The following STX3 variants were observed in gnomAD, a reference collection of about 807,000 sequenced individuals.
STX3 encodes syntaxin-3.
In STX3, 19 loss-of-function variants were observed where a neutral mutation model predicts 40.2. The observed-to-expected ratio is 0.47, with a 90% CI of 0.33 to 0.69. The LOEUF is 0.69. Among genes scored for constraint, STX3 ranks in the 30% least tolerant of loss-of-function variants. STX3 has a pLI of 0.02. For synonymous variants in STX3, 122 were observed against 132.2 expected (o/e 0.92, Z 0.53); for missense variants, 364 against 366.7 (o/e 0.99, Z 0.06).
rs576357205 is a variant in STX3, at chr11:59,788,213, G to A, written c.215-660G>A. 1.1e-4 allele frequency among the ~76,000 whole-genome samples: 16 copies of A among 152,290 alleles called. No homozygotes were observed. In the South Asian group the frequency reaches 3.3e-3, roughly 32 times the overall value. ...GCTTTTCCAGATCCCTCCAGGCTGTGCACACCTTGACCAGAACTCATACCT... is the reference window on the plus strand; with the variant it reads ...GCTTTTCCAGATCCCTCCAGGCTGTACACACCTTGACCAGAACTCATACCT... On this transcript the variant is annotated intron_variant, in intron 3 of 10. Transcript: ENST00000337979.
intron 2 of STX3, among the ~76,000 whole-genome samples, chr11:59,773,686 T>C (rs575154017): frequency 3.6e-4 from 55 of 152,264 alleles, no homozygotes; most frequent in Non-Finnish European, 6.5e-4. Flanking sequence ...TGTGTAGTTT[T>C]GAAAATTTTG....
At chr11:59,759,626 C>A (rs74418140) in intron 1 of STX3, among the ~76,000 whole-genome samples, 2,169 of 152,252 alleles carry the variant, frequency 0.014, 29 homozygotes, top group Non-Finnish European at 0.022. Context: ...CTGGAAATGA[C>A]GTGGATGTAA....
chr11:59,777,720 T>TGA (rs151230945), intron 2 of STX3, among the ~76,000 whole-genome samples: 1 of 152,112 alleles, frequency 6.6e-6, no homozygotes, highest in Non-Finnish European at 1.5e-5. Flanking sequence ...CTTAGGATTG[T>TGA]GAGAGAGAGA....
chr11:59,800,026 T>C, intron 10 of STX3: 3 of 985,472 alleles, frequency 3.0e-6, no homozygotes, highest in Non-Finnish European at 3.6e-6. Context: ...ATTCCAGGAC[T>C]TCAGAAGGTA....
rs184385691 is a variant in STX3 at position 59,786,441 on chromosome 11, G to A, written c.115-596G>A. Among the ~76,000 whole-genome samples, 553 of 147,738 alleles carry A rather than the reference G, an allele frequency of 3.7e-3. 4 individuals carry two copies. Among genetic ancestry groups the A allele is most frequent in the African/African-American group, 0.013 (526 of 39,674 alleles). ...TTTTTTTGCATTTTTTAGTAGAGAC[G>A]GGGTTTCACTGTGTTAGCCAGGATG... On this transcript the variant is annotated intron_variant, in intron 2 of 10. Transcript: ENST00000337979.
chr11:59,780,833 A>G (rs1283732252), intron 2 of STX3, among the ~76,000 whole-genome samples: 2 of 152,216 alleles, frequency 1.3e-5, no homozygotes, highest in Non-Finnish European at 2.9e-5. Context: ...AAATAACTAG[A>G]TAGGTTTTCA....
chr11:59,800,723 G>A (rs755974711), intron 10 of STX3, 132 bp from the exon 11 acceptor site: 66 of 1,491,632 alleles, frequency 4.4e-5, no homozygotes, highest in Non-Finnish European at 5.9e-5. Flanking sequence ...TCCAAGTTCT[G>A]TCCTGGGTTT....
chr11:59,784,473 T>TC (rs1237942110), intron 2 of STX3, among the ~76,000 whole-genome samples: 1 of 152,184 alleles, frequency 6.6e-6, no homozygotes, highest in Non-Finnish European at 1.5e-5. Context: ...GTCACACCCC[T>TC]AGAGTCTGTG....
intron 10 of STX3, among the ~76,000 whole-genome samples, chr11:59,799,035 G>A (rs1364817767): frequency 6.6e-6 from 1 of 152,138 alleles, no homozygotes; most frequent in African/African-American, 2.4e-5. Context: ...GACTATAGGT[G>A]TACACCAACA....
intron 5 of STX3, among the ~76,000 whole-genome samples, chr11:59,791,454 C>T (rs903163415): frequency 3.9e-5 from 6 of 152,062 alleles, no homozygotes; most frequent in African/African-American, 1.2e-4. Flanking sequence ...ATTTGAAAGC[C>T]GTTTACAAGT....
intron 1 of STX3, among the ~76,000 whole-genome samples, chr11:59,772,236 G>C (rs775626256): frequency 6.6e-6 from 1 of 152,250 alleles, no homozygotes; most frequent in African/African-American, 2.4e-5. Context: ...TTTCACAACA[G>C]TCAGTTCTCT....
chr11:59,769,508 G>A (rs1005565462), intron 1 of STX3, among the ~76,000 whole-genome samples: 7 of 152,148 alleles, frequency 4.6e-5, no homozygotes, highest in Non-Finnish European at 8.8e-5. Flanking sequence ...AGGCATCCCA[G>A]CCAGTAATTG....
upstream of STX3, chr11:59,754,895 C>T (rs1384759311): frequency 1.3e-5 from 2 of 152,286 alleles, no homozygotes; most frequent in African/African-American, 4.8e-5. Flanking sequence ...ATCTCCAGGT[C>T]TTTCCTCTGG....
At chr11:59,771,828 T>A (rs1467080604) in intron 1 of STX3, among the ~76,000 whole-genome samples, 1 of 152,110 alleles carries the variant, frequency 6.6e-6, no homozygotes, top group East Asian at 1.9e-4. Context: ...CATTGGATGA[T>A]GTTACGTGGC....
intron 2 of STX3, among the ~76,000 whole-genome samples, chr11:59,776,028 T>C (rs1863945879): frequency 6.6e-6 from 1 of 152,200 alleles, no homozygotes; most frequent in South Asian, 2.1e-4. Flanking sequence ...AAAATATTCA[T>C]GTCATAGATT....
chr11:59,781,415 C>T, intron 2 of STX3: 1 of 1,608,178 alleles, frequency 6.2e-7, no homozygotes. Flanking sequence ...TGCTTTCCTT[C>T]CCATCCCACT....
In STX3 at chr11:59,802,583, C is replaced by T. The variant is rs1361621836; in HGVS notation, c.*1759C>T. On this transcript the variant is annotated 3_prime_UTR_variant, in exon 11 of 11. Transcript: ENST00000337979. ...CTTTGCTCTCCTCTGACATTGAGGCCTGGGGCTTACAGTTTGGAATACAAC... is the reference window on the plus strand; with the variant it reads ...CTTTGCTCTCCTCTGACATTGAGGCTTGGGGCTTACAGTTTGGAATACAAC... 1.0e-6 allele frequency: 1 copy of T among 985,716 alleles called. No individual in the cohort carries two copies. The highest frequency in any genetic ancestry group is 4.7e-5 in the South Asian group (1 of 21,292). The allele number at this position is 985,716 out of a possible 1,614,324, so 61.1% of individuals were successfully genotyped here. A position where few individuals can be genotyped will look rare whatever the true frequency, so the allele number is the denominator to read the frequency against.
intron 4 of STX3, chr11:59,789,148 G>A (rs973894378): frequency 6.4e-6 from 3 of 465,594 alleles, no homozygotes; most frequent in South Asian, 5.0e-5. Context: ...GACTGTACTG[G>A]AAAGAGTCCA....
At chr11:59,758,590 A>G (rs1313130933) in intron 1 of STX3, among the ~76,000 whole-genome samples, 1 of 152,210 alleles carries the variant, frequency 6.6e-6, no homozygotes, top group East Asian at 1.9e-4. Context: ...CCATGGTCAC[A>G]AGATCTGACT....
Sources: allele counts gnomAD v4.1 joint callset (sites outside exome capture counted in the v4.1 genomes callset), GRCh38; gene constraint gnomAD v4.1.1; transcripts MANE v1.5; gene names NCBI Gene and HGNC (gene_info 2026-07-23, HGNC 2026-07-21).